PIAS2: variants seen among roughly 807,000 people sequenced by gnomAD.
PIAS2 encodes the protein E3 SUMO-protein ligase PIAS2.
In PIAS2, 19 loss-of-function variants were observed where a neutral mutation model predicts 69.7. The ratio of observed to expected loss-of-function variants is 0.27; its 90% CI spans 0.19 to 0.40. The LOEUF (loss-of-function observed/expected upper bound fraction) is 0.40. Among genes scored for constraint, PIAS2 ranks in the 10% least tolerant of loss-of-function variants. PIAS2 has a pLI of 1.00. For synonymous variants in PIAS2, 261 were observed against 263.2 expected (o/e 0.99, Z 0.08); for missense variants, 624 against 757.0 (o/e 0.82, Z 2.06).
At chr18:46,836,621 T>C in intron 8 of PIAS2, 104 bp from the exon 9 acceptor site, 1 of 746,876 alleles carries the variant, frequency 1.3e-6, no homozygotes, top group Non-Finnish European at 2.2e-6. Context: ...AAGAAGATGA[T>C]AAAAATGAAA....
intron 2 of PIAS2, among the ~76,000 whole-genome samples, chr18:46,887,699 A>C (rs1478954970): frequency 6.6e-6 from 1 of 152,210 alleles, no homozygotes; most frequent in African/African-American, 2.4e-5. Context: ...TTTCTTAGAA[A>C]ATCAGTTTAA....
chr18:46,858,609 A>C (rs769873286), intron 3 of PIAS2, among the ~76,000 whole-genome samples: 12 of 152,216 alleles, frequency 7.9e-5, no homozygotes, highest in Non-Finnish European at 1.8e-4. Flanking sequence ...AGGTGGGAGG[A>C]TCAATTGAGC....
At position 46,917,316 on chromosome 18, in the gene PIAS2, G is replaced by T. The variant is rs1284223528; in HGVS notation, c.24+6C>A. 1 of 1,475,704 alleles carries T rather than the reference G, an allele frequency of 6.8e-7. No homozygotes were observed. 91.4% of individuals were successfully genotyped at this position (1,475,704 alleles called of 1,614,324 possible). A position where few individuals can be genotyped will look rare whatever the true frequency, so the allele number is the denominator to read the frequency against. ...CCCGCGGCCTCCGCTCTCCACTCCC[G>T]CTTACCCTCAACTCTTCGAAATCCG... On this transcript the variant is annotated splice_donor_region_variant and intron_variant, in intron 1 of 13. Transcript: ENST00000585916.
At chr18:46,888,206 T>G (rs1775734723) in intron 2 of PIAS2, among the ~76,000 whole-genome samples, 1 of 151,892 alleles carries the variant, frequency 6.6e-6, no homozygotes, top group Admixed American at 6.6e-5. Flanking sequence ...AAAGAACACA[T>G]AAATAAATAG....
At chr18:46,904,026 G>T (rs1268089939) in intron 1 of PIAS2, 1 of 152,144 alleles carries the variant, frequency 6.6e-6, no homozygotes, top group Non-Finnish European at 1.5e-5. Flanking sequence ...TCATAGAAAT[G>T]AAAAAGATGA....
At chr18:46,905,903 T>A (rs2056537418) in intron 1 of PIAS2, 1 of 152,184 alleles carries the variant, frequency 6.6e-6, no homozygotes, top group South Asian at 2.1e-4. Context: ...GTATATTTTT[T>A]AACTATAGGC....
intron 1 of PIAS2, among the ~76,000 whole-genome samples, chr18:46,909,138 G>A (rs566095061): frequency 1.5e-3 from 235 of 152,194 alleles, no homozygotes; most frequent in Non-Finnish European, 2.8e-3. Context: ...GTACAAACAT[G>A]GGCAAAAGAC....
At chr18:46,903,865 C>G (rs1301309404) in intron 1 of PIAS2, among the ~76,000 whole-genome samples, 2 of 152,100 alleles carry the variant, frequency 1.3e-5, no homozygotes, top group Admixed American at 6.5e-5. Flanking sequence ...GAATTCATAT[C>G]GTGGAAAACT....
chr18:46,832,717 C>T (rs1324753054), intron 9 of PIAS2, among the ~76,000 whole-genome samples: 5 of 151,652 alleles, frequency 3.3e-5, no homozygotes, highest in South Asian at 2.1e-4. Flanking sequence ...ATGGCGAAAC[C>T]CCATCTCTAC....
chr18:46,856,511 G>A (rs1291281353), intron 3 of PIAS2, among the ~76,000 whole-genome samples: 1 of 152,056 alleles, frequency 6.6e-6, no homozygotes, highest in African/African-American at 2.4e-5. Flanking sequence ...ATTTCTAGAT[G>A]AGAATCTAAT....
At position 46,896,345 on chromosome 18, in the gene PIAS2, G is replaced by C. The variant is rs73957808; in HGVS notation, c.25-5291C>G. On this transcript the variant is annotated intron_variant, in intron 1 of 13. Coordinates refer to ENST00000585916, the MANE Select transcript of PIAS2 (RefSeq NM_004671.5). ...TCTAATAACTTAAATACAGATAAAAGTGGTTTCCTAGAAAAATACAAATTA... is the reference window on the plus strand; with the variant it reads ...TCTAATAACTTAAATACAGATAAAACTGGTTTCCTAGAAAAATACAAATTA... Among the ~76,000 whole-genome samples the C allele has an allele frequency of 2.1e-3, 321 of 151,464 alleles. 2 individuals are homozygous for C. The highest frequency in any genetic ancestry group is 7.4e-3 in the African/African-American group (304 of 41,318).
intron 1 of PIAS2, chr18:46,893,386 A>G (rs961306592): frequency 1.5e-6 from 1 of 652,134 alleles, no homozygotes; most frequent in African/African-American, 2.0e-5. Flanking sequence ...TTTTAAGGGA[A>G]GCTATTTTAC....
Position 46,917,341 on chromosome 18 carries a change from G to T in PIAS2, c.5C>A (p.Ala2Glu), listed in dbSNP as rs1353416071. M[A>E]DFEELRNMVS... Reference sequence around the variant, plus strand: ...GCTTACCCTCAACTCTTCGAAATCCGCCATTTTATACCACCCGCGGGCGCC... The same window carrying T: ...GCTTACCCTCAACTCTTCGAAATCCTCCATTTTATACCACCCGCGGGCGCC... Residue 2 changes from alanine to glutamate, a missense_variant, in exon 1 of 14, where the codon GCG becomes GAG. Transcript: ENST00000585916. 9 of 1,473,446 alleles carry T rather than the reference G, an allele frequency of 6.1e-6. No homozygotes were observed. Among genetic ancestry groups the T allele is most frequent in the Non-Finnish European group, 8.1e-6 (9 of 1,107,820 alleles). The allele number at this position is 1,473,446 out of a possible 1,614,324, so 91.3% of individuals were successfully genotyped here. A position where few individuals can be genotyped will look rare whatever the true frequency, so the allele number is the denominator to read the frequency against.
chr18:46,827,242 T>C (rs2042956731), intron 11 of PIAS2: 1 of 152,182 alleles, frequency 6.6e-6, no homozygotes, highest in South Asian at 2.1e-4. Flanking sequence ...TCCTGTTATC[T>C]CCTTTTATGG....
chr18:46,805,719 A>C lies in PIAS2; in HGVS notation c.*6714T>G, dbSNP rs752328669. Reference sequence around the variant, plus strand: ...AGATGTAGCCAAGTATGGCCTAGGAAGGGATCAGTGACTGGGGCGTGACTA... The same window carrying C: ...AGATGTAGCCAAGTATGGCCTAGGACGGGATCAGTGACTGGGGCGTGACTA... On this transcript the variant is annotated 3_prime_UTR_variant, in exon 14 of 14. Coordinates refer to ENST00000585916, the MANE Select transcript of PIAS2 (RefSeq NM_004671.5). 1 of 152,350 alleles carries C rather than the reference A, an allele frequency of 6.6e-6. No individual in the cohort carries two copies. Among genetic ancestry groups the C allele is most frequent in the Non-Finnish European group, 1.5e-5 (1 of 68,042 alleles). 9.4% of individuals were successfully genotyped at this position (152,350 alleles called of 1,614,324 possible).
intron 3 of PIAS2, among the ~76,000 whole-genome samples, chr18:46,860,332 T>G (rs918421449): frequency 1.3e-5 from 2 of 152,182 alleles, no homozygotes; most frequent in Admixed American, 1.3e-4. Flanking sequence ...GAAGCAATCA[T>G]CCGAATCCAG....
chr18:46,908,749 C>T (rs2056920669), intron 1 of PIAS2, among the ~76,000 whole-genome samples: 1 of 152,160 alleles, frequency 6.6e-6, no homozygotes, highest in Non-Finnish European at 1.5e-5. Flanking sequence ...TTGCTCATGC[C>T]TATAATCCCA....
At chr18:46,851,178 C>T (rs1304436574) in intron 5 of PIAS2, among the ~76,000 whole-genome samples, 1 of 152,110 alleles carries the variant, frequency 6.6e-6, no homozygotes, top group Non-Finnish European at 1.5e-5. Flanking sequence ...GAACATAAAT[C>T]CATGAACTCA....
At chr18:46,905,861 A>T (rs2056530717) in intron 1 of PIAS2, 1 of 152,184 alleles carries the variant, frequency 6.6e-6, no homozygotes. Flanking sequence ...AGACCTTTCT[A>T]ATGTTACATA....
Sources: gnomAD v4.1 joint callset for allele counts (sites outside exome capture counted in the v4.1 genomes callset) on GRCh38, gnomAD v4.1.1 for gene constraint, MANE v1.5 for transcripts, NCBI Gene and HGNC (gene_info 2026-07-23, HGNC 2026-07-21) for gene names.